KCNH4: variants seen among roughly 807,000 people sequenced by gnomAD.
KCNH4 encodes the protein potassium voltage-gated channel subfamily H member 4, also known as voltage-gated delayed rectifier potassium channel KCNH4.
KCNH4 carries 33 observed loss-of-function variants against 90.7 expected under a neutral mutation model. The observed-to-expected ratio is 0.36, with a 90% CI of 0.28 to 0.49. The LOEUF (loss-of-function observed/expected upper bound fraction) is 0.49. KCNH4 is among the 20% of genes least tolerant of loss of function. KCNH4 has a pLI of 0.98. For missense variants in KCNH4, 1,044 were observed against 1,387.1 expected, an observed-to-expected ratio of 0.75 and a Z score of 3.93; for synonymous variants, 551 against 581.7, an observed-to-expected ratio of 0.95 and a Z score of 0.76.
intron 10 of KCNH4, among the ~76,000 whole-genome samples, 187 bp from the exon 11 acceptor site, chr17:42,165,880 C>T (rs529478593): frequency 1.7e-4 from 26 of 152,206 alleles, no homozygotes; most frequent in African/African-American, 5.3e-4. Context: ...ACTGGTAAGG[C>T]TGGGAGACAG....
Position 42,178,942 on chromosome 17 carries a change from C to T in KCNH4, c.161G>A (p.Gly54Asp). Residue 54 changes from glycine to aspartate, a missense_variant, in exon 2 of 17, where the codon GGC becomes GAC. By Grantham distance (94) the Gly-to-Asp change is moderately conservative. Transcript: ENST00000264661. ...CTGCATGACCTCGGTGCGACCGTAG[C>T]CTGTGAGCTCGCAGAAGCCGTCGGA... Reference protein sequence around the residue: ...YCSDGFCELTGYGRTEVMQKT... With the variant: ...YCSDGFCELTDYGRTEVMQKT... 6.2e-7 allele frequency: 1 copy of T among 1,614,176 alleles called. No homozygotes were observed. The highest frequency in any genetic ancestry group is 8.5e-7 in the Non-Finnish European group (1 of 1,180,036).
intron 15 of KCNH4, 132 bp from the exon 16 acceptor site, chr17:42,160,567 G>T (rs1051728799): frequency 1.7e-5 from 16 of 928,728 alleles, no homozygotes; most frequent in Non-Finnish European, 2.5e-5. Context: ...CAGGATGAGG[G>T]TTATTTTTGC....
At chr17:42,179,211 C>T (rs2079885070) in intron 1 of KCNH4, among the ~76,000 whole-genome samples, 185 bp from the exon 2 acceptor site, 1 of 152,196 alleles carries the variant, frequency 6.6e-6, no homozygotes, top group Non-Finnish European at 1.5e-5. Context: ...AGCAAAGAGA[C>T]AAGGACTTGA....
intron 16 of KCNH4, 131 bp from the exon 17 acceptor site, chr17:42,157,249 A>C (rs2079715948): frequency 6.6e-6 from 1 of 152,230 alleles, no homozygotes; most frequent in Admixed American, 6.5e-5. Flanking sequence ...CAGAGGTTGC[A>C]AACTCAACCC....
chr17:42,164,194 C>T, intron 11 of KCNH4, 26 bp from the exon 12 acceptor site: 1 of 1,527,722 alleles, frequency 6.5e-7, no homozygotes, highest in African/African-American at 1.4e-5. Flanking sequence ...AGAGTTCAAG[C>T]TGATTCCTGC....
intron 1 of KCNH4, among the ~76,000 whole-genome samples, chr17:42,179,649 G>T (rs2079887653): frequency 6.6e-6 from 1 of 152,208 alleles, no homozygotes; most frequent in Non-Finnish European, 1.5e-5. Flanking sequence ...AAACCAAAAG[G>T]CAGAGATTAT....
chr17:42,167,181 C>T (rs1415967101), intron 9 of KCNH4, among the ~76,000 whole-genome samples: 1 of 152,166 alleles, frequency 6.6e-6, no homozygotes, highest in Non-Finnish European at 1.5e-5. Flanking sequence ...TCACTTTCCA[C>T]ACTCTCCCTG....
At chr17:42,157,542 C>T (rs1032002636) in intron 16 of KCNH4, among the ~76,000 whole-genome samples, 3 of 152,166 alleles carry the variant, frequency 2.0e-5, no homozygotes, top group African/African-American at 7.2e-5. Flanking sequence ...GGCCACCCAG[C>T]CCAGCTGATT....
At chr17:42,158,561 T>G (rs942581062) in intron 16 of KCNH4, among the ~76,000 whole-genome samples, 2 of 125,686 alleles carry the variant, frequency 1.6e-5, no homozygotes, top group African/African-American at 3.1e-5. Flanking sequence ...ATAGGCTGGG[T>G]GCGGTGGCTG....
At chr17:42,165,060 C>G (rs960685764) in intron 11 of KCNH4, among the ~76,000 whole-genome samples, 1 of 150,770 alleles carries the variant, frequency 6.6e-6, no homozygotes, top group African/African-American at 2.4e-5. Flanking sequence ...GAGCCAAGAT[C>G]GCGCCACTGC....
At chr17:42,166,621 C>T in intron 9 of KCNH4, 75 bp from the exon 10 acceptor site, 1 of 1,524,960 alleles carries the variant, frequency 6.6e-7, no homozygotes, top group Non-Finnish European at 8.9e-7. Flanking sequence ...GCTGAGCTGT[C>T]TTCAAAGAGA....
At chr17:42,162,986 C>T (rs971034201) in intron 14 of KCNH4, among the ~76,000 whole-genome samples, 2 of 152,220 alleles carry the variant, frequency 1.3e-5, no homozygotes, top group African/African-American at 2.4e-5. Flanking sequence ...GAGTGAGCAC[C>T]TTCCTCTTCT....
intron 14 of KCNH4, among the ~76,000 whole-genome samples, chr17:42,162,843 T>C (rs981308094): frequency 4.6e-5 from 7 of 152,136 alleles, no homozygotes; most frequent in Non-Finnish European, 7.4e-5. Flanking sequence ...TCCACCCTCA[T>C]CAGCCTCCCA....
intron 1 of KCNH4, among the ~76,000 whole-genome samples, chr17:42,179,715 T>A (rs1404660519): frequency 6.6e-6 from 1 of 152,218 alleles, no homozygotes; most frequent in African/African-American, 2.4e-5. Context: ...GCTGTCTTCC[T>A]TCCCTGCCTT....
intron 16 of KCNH4, among the ~76,000 whole-genome samples, chr17:42,158,542 A>T (rs377440763): frequency 0.013 from 1,805 of 139,384 alleles, 20 homozygotes; most frequent in Non-Finnish European, 0.017. Flanking sequence ...AAAAAAAAAA[A>T]ATATTTTTAT....
intron 9 of KCNH4, among the ~76,000 whole-genome samples, chr17:42,169,048 G>A (rs1007988096): frequency 6.6e-6 from 1 of 151,590 alleles, no homozygotes; most frequent in Non-Finnish European, 1.5e-5. Context: ...TGGGATTACA[G>A]GTGTGAGCCA....
Position 42,165,558 on chromosome 17 carries a change from C to T in KCNH4, c.1976G>A (p.Ser659Asn). ...LTYCGLQQLSSRGLAEVLRLY... is the reference protein window; with the variant it reads ...LTYCGLQQLSNRGLAEVLRLY... ...CCTCAGGACCTCAGCCAGCCCTCGG[C>T]TGCTCAGCTGCTGCAGGCCACAGTA... Residue 659 changes from serine to asparagine, a missense_variant, in exon 11 of 17, where the codon AGC becomes AAC. Ser to Asn is a conservative substitution (Grantham distance 46, BLOSUM62 1). Transcript: ENST00000264661. 1.9e-6 allele frequency: 3 copies of T among 1,614,238 alleles called. No homozygotes were observed. Among genetic ancestry groups the T allele is most frequent in the Non-Finnish European group, 2.5e-6 (3 of 1,180,046 alleles).
At position 42,163,541 on chromosome 17, in the gene KCNH4, G is replaced by A; in HGVS notation, c.2477+65C>T. 1 of 822,256 alleles carries A rather than the reference G, an allele frequency of 1.2e-6. No homozygotes were observed. Among genetic ancestry groups the A allele is most frequent in the Non-Finnish European group, 1.9e-6 (1 of 514,266 alleles). 50.9% of individuals were successfully genotyped at this position (822,256 alleles called of 1,614,324 possible). ...AGCACTGTTTGGAACGCCAGGGATA[G>A]AGCCCAGAGAAGGTTCTGGAAGCCA... On this transcript the variant is annotated intron_variant, in intron 13 of 16. Coordinates refer to ENST00000264661, the MANE Select transcript of KCNH4 (RefSeq NM_012285.3). This position sits in a 1 kb window ranked among gnomAD's most constrained non-coding sequence, Gnocchi z 5.4.
At chr17:42,161,120 G>A (rs1227114824) in intron 15 of KCNH4, among the ~76,000 whole-genome samples, 1 of 151,930 alleles carries the variant, frequency 6.6e-6, no homozygotes, top group Non-Finnish European at 1.5e-5. Context: ...AGTAGAGACA[G>A]GGTTTCACCG....
Sources: gnomAD v4.1 joint callset for allele counts (sites outside exome capture counted in the v4.1 genomes callset) on GRCh38, gnomAD v4.1.1 for gene constraint, Gnocchi (gnomAD v3.1) non-coding constraint, MANE v1.5 for transcripts, NCBI Gene and HGNC (gene_info 2026-07-23, HGNC 2026-07-21) for gene names.